The following DOCK3 variants were observed in gnomAD, a reference collection of about 807,000 sequenced individuals.
The protein encoded by DOCK3 is dedicator of cytokinesis protein 3.
DOCK3 carries 60 observed loss-of-function variants against 265.6 expected under a neutral mutation model. The ratio of observed to expected loss-of-function variants is 0.23; its 90% confidence interval spans 0.18 to 0.28. The LOEUF (loss-of-function observed/expected upper bound fraction) is 0.28, where lower values mean the gene tolerates loss of function less well. Ranked by LOEUF, DOCK3 falls within the 10% of genes least tolerant of loss-of-function variation. The pLI is 1.00. For synonymous variants in DOCK3, 881 were observed against 938.0 expected, an observed-to-expected ratio of 0.94 and a Z score of 1.11; for missense variants, 1,981 against 2,594.3, an observed-to-expected ratio of 0.76 and a Z score of 5.14.
At chr3:51,227,648 C>A (rs947040597) in intron 16 of DOCK3, among the ~76,000 whole-genome samples, 1 of 152,182 alleles carries the variant, frequency 6.6e-6, no homozygotes, top group Admixed American at 6.5e-5. Context: ...CTTGTGTTGG[C>A]CCTTCCTGGT....
chr3:51,223,729 A>G (rs1336302487), intron 14 of DOCK3, among the ~76,000 whole-genome samples: 1 of 152,196 alleles, frequency 6.6e-6, no homozygotes, highest in East Asian at 1.9e-4. Context: ...AATAGCAATA[A>G]CCTGACTTTA....
chr3:50,897,554 T>C (rs2048962019), intron 4 of DOCK3, among the ~76,000 whole-genome samples: 1 of 152,214 alleles, frequency 6.6e-6, no homozygotes, highest in Non-Finnish European at 1.5e-5. Flanking sequence ...ATCCTTGTCT[T>C]GTGCCAGTTT....
chr3:51,317,413 T>C (rs2083427950), intron 32 of DOCK3, among the ~76,000 whole-genome samples: 2 of 150,988 alleles, frequency 1.3e-5, no homozygotes, highest in African/African-American at 4.8e-5. Context: ...TAGTTAATAA[T>C]AATGTATTGT....
chr3:51,017,220 G>T (rs1392442699), intron 5 of DOCK3, among the ~76,000 whole-genome samples: 1 of 150,682 alleles, frequency 6.6e-6, no homozygotes. Context: ...GGTATCAGTT[G>T]TGATGTCTCC....
chr3:51,099,864 G>T lies in DOCK3; in HGVS notation c.746+9480G>T, dbSNP rs564607980. The stretch of plus-strand genomic sequence containing the variant: ...TGCTGTGCTAAATAAGATTGTCAGG[G>T]TAGGCCTTACTGAGAAGGTACACCT... On this transcript the variant is annotated intron_variant, in intron 9 of 52. Coordinates refer to ENST00000266037, the MANE Select transcript of DOCK3 (RefSeq NM_004947.5). Among the ~76,000 whole-genome samples, 59 of 152,262 alleles carry T rather than the reference G, an allele frequency of 3.9e-4. 1 individual carries two copies. The highest frequency in any genetic ancestry group is 1.4e-3 in the African/African-American group (58 of 41,558).
intron 5 of DOCK3, among the ~76,000 whole-genome samples, chr3:51,013,205 C>T (rs182509280): frequency 6.6e-5 from 10 of 152,274 alleles, no homozygotes; most frequent in African/African-American, 1.4e-4. Flanking sequence ...CAAGGAGCTG[C>T]GATCCTTTGG....
chr3:51,076,088 T>C (rs1385725634), intron 7 of DOCK3, among the ~76,000 whole-genome samples: 1 of 152,176 alleles, frequency 6.6e-6, no homozygotes, highest in African/African-American at 2.4e-5. Flanking sequence ...TTAGAGTCTG[T>C]TTAATAAACT....
chr3:51,224,279 T>C (rs1054905326), intron 14 of DOCK3, among the ~76,000 whole-genome samples: 2 of 152,190 alleles, frequency 1.3e-5, no homozygotes, highest in African/African-American at 4.8e-5. Context: ...CAAATAACCA[T>C]GATTGCAAGA....
intron 33 of DOCK3, among the ~76,000 whole-genome samples, chr3:51,332,310 C>T (rs541632922): frequency 6.6e-6 from 1 of 152,338 alleles, no homozygotes; most frequent in African/African-American, 2.4e-5. Context: ...TGTGCGATGG[C>T]AGAGGATCTC....
At chr3:51,159,394 T>A in intron 11 of DOCK3, 90 bp downstream of exon 11, 1 of 1,213,412 alleles carries the variant, frequency 8.2e-7, no homozygotes, top group Non-Finnish European at 1.2e-6. Flanking sequence ...TCTCCCTAGA[T>A]CTTACCTGTA....
At chr3:51,160,746 A>G (rs758253748) in intron 12 of DOCK3, 44 bp downstream of exon 12, 34 of 1,590,222 alleles carry the variant, frequency 2.1e-5, no homozygotes, top group Non-Finnish European at 2.9e-5. Flanking sequence ...GTAGCATAAG[A>G]CATCCCAGCA....
At chr3:50,978,286 T>A (rs1346978818) in intron 5 of DOCK3, among the ~76,000 whole-genome samples, 2 of 151,048 alleles carry the variant, frequency 1.3e-5, no homozygotes, top group African/African-American at 2.4e-5. Context: ...TATCTACTTT[T>A]GGTCTTTGAT....
At chr3:51,043,082 G>GA (rs1344048753) in intron 5 of DOCK3, among the ~76,000 whole-genome samples, 14 of 152,090 alleles carry the variant, frequency 9.2e-5, no homozygotes, top group Non-Finnish European at 1.9e-4. Context: ...TACAGAACTA[G>GA]AAAAAACTAT....
chr3:51,346,247 G>C (rs1418410538), intron 38 of DOCK3, among the ~76,000 whole-genome samples: 1 of 152,020 alleles, frequency 6.6e-6, no homozygotes, highest in Non-Finnish European at 1.5e-5. Context: ...CTGTTAACTT[G>C]TCATTTACAT....
Position 51,381,810 on chromosome 3 carries a change from T to G in DOCK3, c.*251T>G. 2.2e-6 allele frequency: 1 copy of G among 445,094 alleles called. No homozygotes were observed. Among genetic ancestry groups the G allele is most frequent in the Admixed American group, 3.9e-5 (1 of 25,424 alleles). The allele number at this position is 445,094 out of a possible 1,614,324, so 27.6% of individuals were successfully genotyped here. ...TCCATTTCTATGGGTTTTCCTTTCTTTCCTTTATGCAGTAGATGCTTTCTT... is the reference window on the plus strand; with the variant it reads ...TCCATTTCTATGGGTTTTCCTTTCTGTCCTTTATGCAGTAGATGCTTTCTT... On this transcript the variant is annotated 3_prime_UTR_variant, in exon 53 of 53. Transcript: ENST00000266037. The surrounding 1 kb of genome is among the most constrained non-coding windows in gnomAD (Gnocchi z 5.6).
rs1309925270 is a variant in DOCK3, at chr3:51,208,836, A to G, written c.1100A>G (p.Lys367Arg). 6.2e-7 allele frequency: 1 copy of G among 1,612,012 alleles called. No homozygotes were observed. The highest frequency in any genetic ancestry group is 8.5e-7 in the Non-Finnish European group (1 of 1,179,228). ...AACATCATCCGAAAGTCCAGTGCCA[A>G]GTACTCTGCCCCCAGCGCCAGCCAT... The part of the protein sequence containing the change: ...HENIIRKSSA[K>R]YSAPSASHGL... Residue 367 changes from lysine to arginine, a missense_variant, in exon 13 of 53, where the codon AAG becomes AGG. Lys to Arg is a conservative substitution (Grantham distance 26). Transcript: ENST00000266037.
At position 50,690,890 on chromosome 3, in the gene DOCK3, C is replaced by A. The variant is rs2035189713; in HGVS notation, c.37+15590C>A. On this transcript the variant is annotated intron_variant, in intron 1 of 52. Transcript: ENST00000266037. Reference sequence around the variant, plus strand: ...ACTCCTGACTTCGTGATCCACCCACCTCGGCTTCCCAAAGTGCTGGGATTA... The same window carrying A: ...ACTCCTGACTTCGTGATCCACCCACATCGGCTTCCCAAAGTGCTGGGATTA... 2.0e-5 allele frequency among the ~76,000 whole-genome samples: 3 copies of A among 151,984 alleles called. 1 individual carries two copies. In the South Asian group the frequency reaches 6.2e-4, roughly 32 times the overall value.
intron 4 of DOCK3, among the ~76,000 whole-genome samples, chr3:50,927,780 A>G (rs1392098447): frequency 6.6e-6 from 1 of 152,136 alleles, no homozygotes; most frequent in African/African-American, 2.4e-5. Context: ...CCATCATTTT[A>G]CACTCACCTA....
intron 5 of DOCK3, among the ~76,000 whole-genome samples, chr3:51,049,793 CCACACACACACACA>C (rs34449511): frequency 6.8e-6 from 1 of 147,214 alleles, no homozygotes; most frequent in Non-Finnish European, 1.5e-5. Context: ...CCTAATGGGT[CCACACACACACACA>C]CACACACACA....
Sources: allele counts gnomAD v4.1 joint callset (sites outside exome capture counted in the v4.1 genomes callset), GRCh38; gene constraint gnomAD v4.1.1; non-coding constraint Gnocchi (gnomAD v3.1); transcripts MANE v1.5; gene names NCBI Gene and HGNC (gene_info 2026-07-23, HGNC 2026-07-21).